Variants in PEBP4 observed in about 807,000 individuals in gnomAD.
The protein encoded by PEBP4 is phosphatidylethanolamine-binding protein 4.
A neutral mutation model predicts 23.9 loss-of-function variants in PEBP4; 22 were observed. The ratio of observed to expected loss-of-function variants is 0.92; its 90% confidence interval spans 0.66 to 1.31. The LOEUF (loss-of-function observed/expected upper bound fraction) is 1.31, where lower values mean the gene tolerates loss of function less well. Ranked by LOEUF, PEBP4 falls within the 40% of genes most tolerant of loss-of-function variation. The pLI is 0.00. For missense variants in PEBP4, 324 were observed against 281.7 expected (o/e 1.15, Z -1.07); for synonymous variants, 112 against 99.3 (o/e 1.13, Z -0.76).
intron 3 of PEBP4, among the ~76,000 whole-genome samples, chr8:22,902,292 G>A (rs890256102): frequency 4.6e-5 from 7 of 152,080 alleles, no homozygotes; most frequent in Admixed American, 1.3e-4. Flanking sequence ...TCACCCCATC[G>A]CACTCCAGCC....
intron 4 of PEBP4, among the ~76,000 whole-genome samples, chr8:22,791,230 C>T (rs569820619): frequency 9.9e-5 from 15 of 152,212 alleles, no homozygotes; most frequent in East Asian, 5.8e-4. Context: ...TGGAGAAGCT[C>T]GGGCTGAGGA....
intron 4 of PEBP4, among the ~76,000 whole-genome samples, chr8:22,781,161 T>A (rs1805906787): frequency 6.6e-6 from 1 of 152,250 alleles, no homozygotes; most frequent in Non-Finnish European, 1.5e-5. Flanking sequence ...TGACAGAACC[T>A]TTGGGGACAG....
At chr8:22,915,194 T>A (rs80251642) in intron 3 of PEBP4, among the ~76,000 whole-genome samples, 2,572 of 152,156 alleles carry the variant, frequency 0.017, 95 homozygotes, top group African/African-American at 0.059. Flanking sequence ...AATCTTACCT[T>A]TCTTCCATTC....
At chr8:22,913,174 AC>A (rs2128779306) in intron 3 of PEBP4, among the ~76,000 whole-genome samples, 1 of 151,980 alleles carries the variant, frequency 6.6e-6, no homozygotes, top group South Asian at 2.1e-4. Flanking sequence ...TCTTCCCTAA[AC>A]CCTCACCTGA....
At chr8:22,860,685 G>A (rs184938346) in intron 3 of PEBP4, among the ~76,000 whole-genome samples, 63 of 152,220 alleles carry the variant, frequency 4.1e-4, no homozygotes, top group African/African-American at 1.3e-3. Context: ...CCCAGGATAC[G>A]TACTCCGTGG....
At chr8:22,876,650 GTA>G (rs1808128398) in intron 3 of PEBP4, among the ~76,000 whole-genome samples, 1 of 152,230 alleles carries the variant, frequency 6.6e-6, no homozygotes, top group African/African-American at 2.4e-5. Context: ...CGATGACAGT[GTA>G]TGTTTATAGC....
At chr8:22,920,829 C>T (rs1809183547) in intron 2 of PEBP4, among the ~76,000 whole-genome samples, 1 of 152,232 alleles carries the variant, frequency 6.6e-6, no homozygotes, top group Admixed American at 6.5e-5. Flanking sequence ...TGAAATCCCA[C>T]CATTAGGTGA....
chr8:22,939,279 A>C (rs1415264032), intron 1 of PEBP4, among the ~76,000 whole-genome samples: 1 of 152,126 alleles, frequency 6.6e-6, no homozygotes, highest in Non-Finnish European at 1.5e-5. Context: ...TCAAAGGTGG[A>C]GAGGATATGA....
At chr8:22,839,501 T>C (rs546615934) in intron 3 of PEBP4, among the ~76,000 whole-genome samples, 9 of 152,306 alleles carry the variant, frequency 5.9e-5, no homozygotes, top group African/African-American at 1.9e-4. Context: ...GAGGTTCATC[T>C]CAACACCTTG....
At chr8:22,777,043 AG>A (rs1805828354) in intron 4 of PEBP4, among the ~76,000 whole-genome samples, 1 of 151,898 alleles carries the variant, frequency 6.6e-6, no homozygotes, top group East Asian at 1.9e-4. Context: ...TGAGGTCCGG[AG>A]GGAGGGAGCT....
intron 4 of PEBP4, among the ~76,000 whole-genome samples, chr8:22,738,022 G>A (rs534626311): frequency 5.3e-5 from 8 of 152,272 alleles, no homozygotes; most frequent in East Asian, 3.9e-4. Flanking sequence ...CCCATCCTGC[G>A]AAGTCTCCTG....
intron 4 of PEBP4, among the ~76,000 whole-genome samples, chr8:22,817,197 T>A (rs776895134): frequency 3.9e-5 from 6 of 152,150 alleles, no homozygotes; most frequent in African/African-American, 4.8e-5. Context: ...GGGGAGGAGC[T>A]CCAGGACTTC....
intron 4 of PEBP4, among the ~76,000 whole-genome samples, chr8:22,741,492 G>A (rs1212271649): frequency 6.6e-6 from 1 of 152,224 alleles, no homozygotes; most frequent in Non-Finnish European, 1.5e-5. Flanking sequence ...AAAACCCTGA[G>A]CCTGTGCTCA....
At chr8:22,924,954 T>C (rs377319134) in intron 2 of PEBP4, 1 of 985,368 alleles carries the variant, frequency 1.0e-6, no homozygotes, top group South Asian at 4.7e-5. Context: ...TTGAGTCCAA[T>C]CTTTAAGAGT....
At chr8:22,721,409 C>G (rs1165788609) in intron 6 of PEBP4, among the ~76,000 whole-genome samples, 1 of 152,092 alleles carries the variant, frequency 6.6e-6, no homozygotes, top group Non-Finnish European at 1.5e-5. Flanking sequence ...AAAGAGGAAT[C>G]CTGGGGAGGG....
At chr8:22,743,274 C>A (rs1805038301) in intron 4 of PEBP4, among the ~76,000 whole-genome samples, 1 of 149,722 alleles carries the variant, frequency 6.7e-6, no homozygotes, top group African/African-American at 2.6e-5. Context: ...GGACCTCCTT[C>A]CCAGAAGCAG....
At chr8:22,729,318 G>A (rs931888020) in intron 4 of PEBP4, among the ~76,000 whole-genome samples, 17 of 152,364 alleles carry the variant, frequency 1.1e-4, no homozygotes, top group Non-Finnish European at 1.8e-4. Context: ...GAGCTCCTCA[G>A]CCTCCCCTTA....
At chr8:22,932,230 C>CTGGAGG (rs993837510), upstream of PEBP4, among the ~76,000 whole-genome samples, 15 of 152,132 alleles carry the variant, frequency 9.9e-5, no homozygotes, top group African/African-American at 3.6e-4. Flanking sequence ...GTTGCTAAGG[C>CTGGAGG]TGGAGGTGGA....
In PEBP4 at chr8:22,720,014, G is replaced by A. The variant is rs1015735533; in HGVS notation, c.517+4829C>T. Reference sequence around the variant, plus strand: ...ATGTGTGTGAATGGCTTGTGGATGTGCATATGTGGGTGTGTCTCACACACA... The same window carrying A: ...ATGTGTGTGAATGGCTTGTGGATGTACATATGTGGGTGTGTCTCACACACA... On this transcript the variant is annotated intron_variant, in intron 6 of 6. Transcript: ENST00000256404. Among the ~76,000 whole-genome samples the A allele has an allele frequency of 3.3e-5, 5 of 152,324 alleles. No individual in the cohort carries two copies. The South Asian group carries it at 1.0e-3, about 32-fold the overall frequency.
Sources: allele counts gnomAD v4.1 joint callset (sites outside exome capture counted in the v4.1 genomes callset), GRCh38; gene constraint gnomAD v4.1.1; transcripts MANE v1.5; gene names NCBI Gene and HGNC (gene_info 2026-07-23, HGNC 2026-07-21).